PDZD2: variants seen among roughly 807,000 people sequenced by gnomAD.
PDZD2 encodes the protein PDZ domain containing 2, also known as PDZ domain-containing protein 2.
A neutral mutation model predicts 220.7 loss-of-function variants in PDZD2; 90 were observed. The ratio of observed to expected loss-of-function variants is 0.41; its 90% confidence interval spans 0.34 to 0.49. PDZD2 has a LOEUF of 0.49. Among genes scored for constraint, PDZD2 ranks in the 20% least tolerant of loss-of-function variants. The pLI, the probability that PDZD2 is intolerant of heterozygous loss-of-function variation, is 0.28. For synonymous variants in PDZD2, 1,375 were observed against 1,450.5 expected (o/e 0.95, Z 1.18); for missense variants, 3,174 against 3,608.5 (o/e 0.88, Z 3.08).
Position 32,060,965 on chromosome 5 carries a change from T to A in PDZD2, c.2319-37T>A, listed in dbSNP as rs1486062898. 3 of 1,612,090 alleles carry A rather than the reference T, an allele frequency of 1.9e-6. No individual in the cohort carries two copies. In the East Asian group the frequency reaches 6.7e-5, roughly 36 times the overall value. On this transcript the variant is annotated intron_variant, in intron 13 of 24. Coordinates refer to ENST00000438447, the MANE Select transcript of PDZD2 (RefSeq NM_178140.4). ...GCTATTTTAGCTTTAAGAAGCTGGC[T>A]GCTAACACAGAGTGTGGATTCTGTT... is the stretch of plus-strand genomic sequence containing the variant.
At chr5:31,996,085 C>T (rs60268619) in intron 4 of PDZD2, among the ~76,000 whole-genome samples, 3,603 of 152,210 alleles carry the variant, frequency 0.024, 65 homozygotes, top group African/African-American at 0.05. Flanking sequence ...TCTTAACTCC[C>T]GTAAGACTTG....
intron 3 of PDZD2, among the ~76,000 whole-genome samples, chr5:31,995,113 T>C (rs1400310219): frequency 6.6e-6 from 1 of 152,106 alleles, no homozygotes; most frequent in African/African-American, 2.4e-5. Flanking sequence ...CCCCCAGAAA[T>C]AGCCAGTGTT....
chr5:31,800,653 G>T (rs1031901961), intron 2 of PDZD2, among the ~76,000 whole-genome samples: 5 of 152,154 alleles, frequency 3.3e-5, no homozygotes, highest in African/African-American at 1.2e-4. Context: ...TCCTTTCTTT[G>T]GAATGCACAT....
At chr5:31,761,287 C>T (rs2150187275) in intron 1 of PDZD2, among the ~76,000 whole-genome samples, 1 of 152,218 alleles carries the variant, frequency 6.6e-6, no homozygotes, top group South Asian at 2.1e-4. Context: ...AGTTTGGTGA[C>T]TGACTGCAGG....
chr5:31,986,677 C>T (rs1750748808), intron 3 of PDZD2, among the ~76,000 whole-genome samples: 2 of 151,936 alleles, frequency 1.3e-5, no homozygotes, highest in African/African-American at 4.8e-5. Context: ...AATTTCATTC[C>T]ATTTGAATAA....
chr5:31,826,488 C>T (rs1413686125), intron 2 of PDZD2, among the ~76,000 whole-genome samples: 1 of 152,016 alleles, frequency 6.6e-6, no homozygotes, highest in Non-Finnish European at 1.5e-5. Context: ...GCCTGACCAA[C>T]ATGGTGAAAC....
At chr5:31,814,661 A>T (rs1169069298) in intron 2 of PDZD2, among the ~76,000 whole-genome samples, 2 of 150,614 alleles carry the variant, frequency 1.3e-5, no homozygotes, top group Non-Finnish European at 3.0e-5. Flanking sequence ...CGTCTCTACT[A>T]AAAAAAAACA....
chr5:31,829,680 C>T (rs1468692796), intron 2 of PDZD2, among the ~76,000 whole-genome samples: 1 of 152,120 alleles, frequency 6.6e-6, no homozygotes, highest in Non-Finnish European at 1.5e-5. Context: ...ACTAGTATGT[C>T]AGAGCCCTCC....
At chr5:31,976,068 C>T (rs1022924386) in intron 2 of PDZD2, among the ~76,000 whole-genome samples, 2 of 151,930 alleles carry the variant, frequency 1.3e-5, no homozygotes, top group African/African-American at 2.4e-5. Flanking sequence ...CTTGAGTCCC[C>T]TAAGGACAAT....
chr5:31,698,151 G>T (rs1391857598), intron 1 of PDZD2, among the ~76,000 whole-genome samples: 1 of 148,994 alleles, frequency 6.7e-6, no homozygotes, highest in Non-Finnish European at 1.5e-5. Flanking sequence ...TCATGATCCT[G>T]CCTCAGCCTC....
chr5:31,756,289 G>C (rs1239191236), intron 1 of PDZD2, among the ~76,000 whole-genome samples: 6 of 152,220 alleles, frequency 3.9e-5, no homozygotes, highest in Admixed American at 3.3e-4. Context: ...TTTTCCTAAA[G>C]GCCAGTGTGC....
At chr5:31,703,918 TTCTC>T (rs960547358) in intron 1 of PDZD2, among the ~76,000 whole-genome samples, 3 of 151,580 alleles carry the variant, frequency 2.0e-5, no homozygotes, top group African/African-American at 4.8e-5. Context: ...TCTTTCCTTT[TTCTC>T]TCTCTCTCTC....
At chr5:31,905,715 A>T in intron 2 of PDZD2, among the ~76,000 whole-genome samples, 1 of 152,226 alleles carries the variant, frequency 6.6e-6, no homozygotes, top group East Asian at 1.9e-4. Context: ...CCTTCTGAGG[A>T]TATGGATTTC....
At chr5:31,926,786 T>G (rs1744817729) in intron 2 of PDZD2, among the ~76,000 whole-genome samples, 1 of 152,198 alleles carries the variant, frequency 6.6e-6, no homozygotes, top group Non-Finnish European at 1.5e-5. Flanking sequence ...ATCTCAGCAC[T>G]AGTCACAATG....
intron 2 of PDZD2, among the ~76,000 whole-genome samples, chr5:31,980,124 G>T (rs1750170142): frequency 6.6e-6 from 1 of 152,090 alleles, no homozygotes; most frequent in Non-Finnish European, 1.5e-5. Flanking sequence ...TTAGTGCTGG[G>T]TTGGGCAACC....
At chr5:31,796,195 G>C (rs1158765078) in intron 1 of PDZD2, among the ~76,000 whole-genome samples, 4 of 152,168 alleles carry the variant, frequency 2.6e-5, no homozygotes, top group South Asian at 2.1e-4. Context: ...TTAAAGTTTT[G>C]TTTAGGTTCA....
In PDZD2 at chr5:32,110,755, T is replaced by A. The variant is rs536142560; in HGVS notation, c.*2620T>A. ...GGCACCATAACTTTGTATGATATTA[T>A]ACATTAACCTTTATTTATGTAAAGT... On this transcript the variant is annotated 3_prime_UTR_variant, in exon 25 of 25. Transcript: ENST00000438447. The A allele has an allele frequency of 2.0e-5, 3 of 152,778 alleles. No homozygotes were observed. In the East Asian group the frequency reaches 5.8e-4, roughly 29 times the overall value. The allele number at this position is 152,778 out of a possible 1,614,324, so 9.5% of individuals were successfully genotyped here.
rs558030450 is a variant in PDZD2 at position 31,888,893 on chromosome 5, T to C, written c.476+89169T>C. ...CCCATTCGATAATGGGAAAAACTCA[T>C]GTTGGATGGAATGGAAATGTTCCCA... On this transcript the variant is annotated intron_variant, in intron 2 of 24. Coordinates refer to ENST00000438447, the MANE Select transcript of PDZD2 (RefSeq NM_178140.4). 4.6e-5 allele frequency among the ~76,000 whole-genome samples: 7 copies of C among 152,204 alleles called. No individual in the cohort carries two copies. The South Asian group carries it at 1.2e-3, about 27-fold the overall frequency.
At chr5:31,876,102 A>C (rs1041380288) in intron 2 of PDZD2, among the ~76,000 whole-genome samples, 1 of 152,128 alleles carries the variant, frequency 6.6e-6, no homozygotes, top group Non-Finnish European at 1.5e-5. Flanking sequence ...TTATCACTTC[A>C]TTAATCCAAA....
Sources: gnomAD v4.1 joint callset for allele counts (sites outside exome capture counted in the v4.1 genomes callset) on GRCh38, gnomAD v4.1.1 for gene constraint, MANE v1.5 for transcripts, NCBI Gene and HGNC (gene_info 2026-07-23, HGNC 2026-07-21) for gene names.